PCM1: variants seen among roughly 807,000 people sequenced by gnomAD.
PCM1 encodes pericentriolar material 1.
PCM1 carries 157 observed loss-of-function variants against 241.9 expected under a neutral mutation model. That is an observed-to-expected ratio of 0.65 (90% CI 0.57 to 0.74). The LOEUF (loss-of-function observed/expected upper bound fraction) is 0.74. Ranked by LOEUF, PCM1 falls within the 30% of genes least tolerant of loss-of-function variation. PCM1 has a pLI of 0.00. For missense variants in PCM1, 3,478 were observed against 2,360.1 expected (o/e 1.47, Z -9.81); for synonymous variants, 1,085 against 784.9 (o/e 1.38, Z -6.39).
rs1020136205 is a variant in PCM1, at chr8:18,029,598, C to G, written c.*1936C>G. 4.9e-6 allele frequency: 1 copy of G among 204,972 alleles called. No homozygotes were observed. The highest frequency in any genetic ancestry group is 2.3e-5 in the African/African-American group (1 of 43,804). The allele number at this position is 204,972 out of a possible 1,614,324, so 12.7% of individuals were successfully genotyped here. On this transcript the variant is annotated 3_prime_UTR_variant, in exon 39 of 39. Coordinates refer to ENST00000325083, the MANE Select transcript of PCM1 (RefSeq NM_006197.4). ...AAAATTGCTTATTTGACTGGTGTTA[C>G]AGCTGCTATTAATCTAAGTCTATTG...
At chr8:18,005,104 T>C (rs145202748) in intron 29 of PCM1, among the ~76,000 whole-genome samples, 80 of 152,296 alleles carry the variant, frequency 5.3e-4, no homozygotes, top group African/African-American at 1.7e-3. Context: ...TCTTCAGAAA[T>C]ATTTGTTGTT....
chr8:18,026,893 T>A (rs2094264817), intron 38 of PCM1, among the ~76,000 whole-genome samples: 1 of 152,208 alleles, frequency 6.6e-6, no homozygotes, highest in African/African-American at 2.4e-5. Flanking sequence ...GCTTACATTT[T>A]GTTTTCGTAA....
intron 6 of PCM1, 53 bp from the exon 7 acceptor site, chr8:17,947,133 C>A: frequency 2.6e-6 from 3 of 1,174,310 alleles, no homozygotes; most frequent in East Asian, 2.4e-5. Context: ...TAATTGAAAC[C>A]GCAACATGGA....
In PCM1 at chr8:17,969,576, G is replaced by C. The variant is rs1472828440; in HGVS notation, c.3413-1G>C. ...TCTTACCCATTGCTTTTACTGATTAGGTATGAATTTCAGCCCTTTATTTCC... is the reference window on the plus strand; with the variant it reads ...TCTTACCCATTGCTTTTACTGATTACGTATGAATTTCAGCCCTTTATTTCC... On this transcript the variant is annotated splice_acceptor_variant, in intron 21 of 38. Coordinates refer to ENST00000325083, the MANE Select transcript of PCM1 (RefSeq NM_006197.4). LOFTEE classifies it high-confidence loss of function. The C allele has an allele frequency of 1.9e-6, 3 of 1,588,636 alleles. No individual in the cohort carries two copies. Among genetic ancestry groups the C allele is most frequent in the Non-Finnish European group, 1.7e-6 (2 of 1,165,552 alleles).
At chr8:17,939,512 T>C (rs2061418022) in intron 5 of PCM1, among the ~76,000 whole-genome samples, 179 bp from the exon 6 acceptor site, 1 of 152,210 alleles carries the variant, frequency 6.6e-6, no homozygotes. Context: ...AATTATGTCT[T>C]GATTAAAATC....
At chr8:17,979,546 T>A (rs2079974475) in intron 23 of PCM1, among the ~76,000 whole-genome samples, 1 of 152,164 alleles carries the variant, frequency 6.6e-6, no homozygotes, top group Admixed American at 6.5e-5. Flanking sequence ...GTACTCTAAG[T>A]GTTTGAGTGG....
chr8:17,926,968 T>C (rs1477987930), intron 2 of PCM1: 5 of 152,138 alleles, frequency 3.3e-5, no homozygotes, highest in African/African-American at 1.2e-4. Context: ...TGCAAGTGTT[T>C]AGTTCATGCA....
chr8:17,993,318 CTACTT>C (rs1276922145), intron 28 of PCM1, among the ~76,000 whole-genome samples, 160 bp from the exon 29 acceptor site: 4 of 151,952 alleles, frequency 2.6e-5, no homozygotes, highest in South Asian at 2.1e-4. Flanking sequence ...GGTTTTATTA[CTACTT>C]TATTTTAATT....
At chr8:18,001,995 CTTTTTT>C (rs1166401113) in intron 29 of PCM1, among the ~76,000 whole-genome samples, 1 of 23,398 alleles carries the variant, frequency 4.3e-5, no homozygotes, top group Non-Finnish European at 6.5e-5. Flanking sequence ...TCTAACCTTT[CTTTTTT>C]TTTTTTTTTT....
At chr8:17,971,707 T>A (rs1423953236) in intron 22 of PCM1, among the ~76,000 whole-genome samples, 2 of 152,316 alleles carry the variant, frequency 1.3e-5, no homozygotes, top group East Asian at 3.9e-4. Flanking sequence ...TTCCAACTTT[T>A]GGGTCTTGTA....
chr8:17,931,709 G>A (rs1277814696), intron 2 of PCM1, among the ~76,000 whole-genome samples: 1 of 151,984 alleles, frequency 6.6e-6, no homozygotes, highest in South Asian at 2.1e-4. Context: ...ATTGCTTTTA[G>A]TACTTTTAAA....
intron 24 of PCM1, among the ~76,000 whole-genome samples, chr8:17,984,478 T>C (rs2081957489): frequency 6.6e-6 from 1 of 151,902 alleles, no homozygotes; most frequent in South Asian, 2.1e-4. Context: ...GTTGCATATT[T>C]ATTGTTACAT....
chr8:17,948,656 TAATA>T, intron 7 of PCM1, among the ~76,000 whole-genome samples: 1 of 152,290 alleles, frequency 6.6e-6, no homozygotes. Flanking sequence ...CTGTATACAG[TAATA>T]ATTACAAAGA....
intron 13 of PCM1, among the ~76,000 whole-genome samples, chr8:17,959,002 A>T (rs1473947655): frequency 6.6e-6 from 1 of 152,180 alleles, no homozygotes; most frequent in African/African-American, 2.4e-5. Context: ...GATTGCAGGC[A>T]CAAAAAGTAC....
intron 23 of PCM1, among the ~76,000 whole-genome samples, chr8:17,976,917 C>G (rs2078979703): frequency 6.6e-6 from 1 of 150,510 alleles, no homozygotes. Flanking sequence ...TAGCCTACTT[C>G]TCTTCACAGT....
chr8:17,969,242 T>G (rs1234091968), intron 21 of PCM1, among the ~76,000 whole-genome samples: 1 of 152,160 alleles, frequency 6.6e-6, no homozygotes, highest in African/African-American at 2.4e-5. Context: ...GTATCTATTT[T>G]ATAAGTTACT....
chr8:17,935,638 G>A lies in PCM1; in HGVS notation c.28G>A (p.Asp10Asn). Residue 10 changes from aspartate (D) to asparagine (N), a missense_variant, in exon 3 of 39, where the codon GAT becomes AAT. Asp to Asn is a conservative substitution (Grantham distance 23). Coordinates refer to ENST00000325083, the MANE Select transcript of PCM1 (RefSeq NM_006197.4). Reference sequence around the variant, plus strand: ...GGCCACAGGAGGAGGTCCCTTTGAAGATGGCATGAATGATCAGGATTTACC... The same window carrying A: ...GGCCACAGGAGGAGGTCCCTTTGAAAATGGCATGAATGATCAGGATTTACC... Reference protein sequence around the residue: MATGGGPFEDGMNDQDLPNW... With the variant: MATGGGPFENGMNDQDLPNW... The A allele has an allele frequency of 6.4e-7, 1 of 1,558,730 alleles. No homozygotes were observed. Among genetic ancestry groups the A allele is most frequent in the Non-Finnish European group, 8.9e-7 (1 of 1,129,888 alleles).
chr8:17,963,038 T>C, intron 16 of PCM1, 63 bp from the exon 17 acceptor site: 1 of 1,238,352 alleles, frequency 8.1e-7, no homozygotes, highest in Non-Finnish European at 1.1e-6. Context: ...TAGTAGTCTT[T>C]TACTCTTTTA....
At chr8:17,930,230 A>G (rs774931203) in intron 2 of PCM1, among the ~76,000 whole-genome samples, 58 of 151,104 alleles carry the variant, frequency 3.8e-4, no homozygotes, top group Admixed American at 2.0e-3. Context: ...CCTCCCGAGT[A>G]GCTGGGACTA....
Sources: allele counts gnomAD v4.1 joint callset (sites outside exome capture counted in the v4.1 genomes callset), GRCh38; gene constraint gnomAD v4.1.1; transcripts MANE v1.5; gene names NCBI Gene and HGNC (gene_info 2026-07-23, HGNC 2026-07-21).